VPS13B: variants seen among roughly 807,000 people sequenced by gnomAD.
The protein encoded by VPS13B is intermembrane lipid transfer protein VPS13B.
In VPS13B, 285 loss-of-function variants were observed where a neutral mutation model predicts 426.4. The ratio of observed to expected loss-of-function variants is 0.67; its 90% CI spans 0.61 to 0.74. The LOEUF (loss-of-function observed/expected upper bound fraction) is 0.74, where lower values mean the gene tolerates loss of function less well. Among genes scored for constraint, VPS13B ranks in the 30% least tolerant of loss-of-function variants. VPS13B has a pLI of 0.00. For missense variants in VPS13B, 4,537 were observed against 4,782.6 expected (o/e 0.95, Z 1.51); for synonymous variants, 1,676 against 1,676.4 (o/e 1.00, Z 0.01).
chr8:99,807,649 CTAAAGGTATTT>C (rs1347458370), intron 43 of VPS13B, among the ~76,000 whole-genome samples: 1 of 151,276 alleles, frequency 6.6e-6, no homozygotes, highest in Non-Finnish European at 1.5e-5. Flanking sequence ...CATATTTTCC[CTAAAGGTATTT>C]ACTATCCAGG....
chr8:99,770,397 A>G (rs565733366), intron 40 of VPS13B, among the ~76,000 whole-genome samples: 2 of 152,186 alleles, frequency 1.3e-5, no homozygotes, highest in East Asian at 3.9e-4. Context: ...TCGTGTATGT[A>G]TTTGTCCACA....
chr8:99,696,802 G>C (rs1832026218), intron 35 of VPS13B: 1 of 1,408,680 alleles, frequency 7.1e-7, no homozygotes, highest in Admixed American at 1.7e-5. Flanking sequence ...AGAATGAGCT[G>C]ACCCTGGACA....
At chr8:99,446,625 C>T (rs1019669644) in intron 23 of VPS13B, among the ~76,000 whole-genome samples, 2 of 151,864 alleles carry the variant, frequency 1.3e-5, no homozygotes, top group Admixed American at 6.6e-5. Flanking sequence ...CAGTTAATTT[C>T]TTTAATCTAG....
chr8:99,361,242 A>G (rs1363160456), intron 19 of VPS13B, among the ~76,000 whole-genome samples: 2 of 152,204 alleles, frequency 1.3e-5, no homozygotes, highest in African/African-American at 2.4e-5. Context: ...ACTCACCTGC[A>G]TTATTGAGGA....
intron 42 of VPS13B, among the ~76,000 whole-genome samples, chr8:99,783,767 G>A (rs536381384): frequency 1.3e-5 from 2 of 152,266 alleles, no homozygotes; most frequent in East Asian, 1.9e-4. Flanking sequence ...ACAATAGAGG[G>A]AAAGTTATGG....
chr8:99,161,863 G>A (rs1811676941), intron 15 of VPS13B, among the ~76,000 whole-genome samples: 1 of 151,250 alleles, frequency 6.6e-6, no homozygotes. Context: ...CTCCCGAGTA[G>A]CTAGGATTAC....
rs1212719921 is a variant in VPS13B at position 99,682,935 on chromosome 8, C to A, written c.6047-16590C>A. ...CCATTCTACTGAGAATGAGCTGACACCCAAGCCACAACTCTAGGACTTGAA... is the reference window on the plus strand; with the variant it reads ...CCATTCTACTGAGAATGAGCTGACAACCAAGCCACAACTCTAGGACTTGAA... On this transcript the variant is annotated intron_variant, in intron 35 of 61. Transcript: ENST00000357162. Among the ~76,000 whole-genome samples the A allele has an allele frequency of 8.5e-5, 13 of 152,286 alleles. No homozygotes were observed. The South Asian group carries it at 2.7e-3, about 32-fold the overall frequency.
chr8:99,415,079 A>G (rs1327386770), intron 21 of VPS13B, among the ~76,000 whole-genome samples: 1 of 151,942 alleles, frequency 6.6e-6, no homozygotes, highest in Non-Finnish European at 1.5e-5. Flanking sequence ...ACATAGTCCC[A>G]TATTTCTTGG....
chr8:99,743,659 A>G (rs536183084), intron 39 of VPS13B, among the ~76,000 whole-genome samples: 1 of 152,340 alleles, frequency 6.6e-6, no homozygotes, highest in Admixed American at 6.5e-5. Flanking sequence ...AACCCTCAGA[A>G]ATAATGCAGC....
At chr8:99,314,242 C>T (rs1190429235) in intron 19 of VPS13B, among the ~76,000 whole-genome samples, 2 of 152,094 alleles carry the variant, frequency 1.3e-5, no homozygotes, top group Admixed American at 6.6e-5. Context: ...GCAGAAATCA[C>T]CCGTCTTCTG....
chr8:99,818,983 G>GGGGGGGGGGGGGGGGGGGT, intron 47 of VPS13B, 95 bp downstream of exon 47: 3 of 384,874 alleles, frequency 7.8e-6, no homozygotes, highest in Middle Eastern at 8.8e-4. Context: ...GGAGGGGTGG[G>GGGGGGGGGGGGGGGGGGGT]TAGGGAGATG....
intron 35 of VPS13B, among the ~76,000 whole-genome samples, chr8:99,683,244 C>G (rs1051726749): frequency 5.3e-5 from 8 of 152,180 alleles, no homozygotes. Context: ...CTGTCTTGAT[C>G]TTAATAGCTG....
intron 20 of VPS13B, among the ~76,000 whole-genome samples, chr8:99,386,181 A>G (rs183579562): frequency 1.3e-5 from 2 of 152,302 alleles, no homozygotes; most frequent in Admixed American, 1.3e-4. Flanking sequence ...TGTACCATAG[A>G]TATCCCTGAA....
chr8:99,324,719 A>G (rs1340931393), intron 19 of VPS13B, among the ~76,000 whole-genome samples: 2 of 152,214 alleles, frequency 1.3e-5, no homozygotes, highest in Non-Finnish European at 2.9e-5. Flanking sequence ...CACGTATTTC[A>G]AGTGACAGAG....
intron 51 of VPS13B, among the ~76,000 whole-genome samples, chr8:99,826,781 G>C (rs193096111): frequency 1.3e-5 from 2 of 152,232 alleles, no homozygotes; most frequent in Admixed American, 6.5e-5. Flanking sequence ...TAGCATGAAG[G>C]GGTGTTGAAT....
intron 12 of VPS13B, among the ~76,000 whole-genome samples, chr8:99,140,561 C>G (rs988385964): frequency 6.7e-6 from 1 of 149,448 alleles, no homozygotes; most frequent in South Asian, 2.1e-4. Context: ...TCCTCCTTCT[C>G]CTCCTTTCTT....
At chr8:99,539,161 AC>A (rs1275185084) in intron 30 of VPS13B, among the ~76,000 whole-genome samples, 1 of 152,222 alleles carries the variant, frequency 6.6e-6, no homozygotes, top group Non-Finnish European at 1.5e-5. Flanking sequence ...ATAATGAAGA[AC>A]AATGTGAAGA....
intron 33 of VPS13B, among the ~76,000 whole-genome samples, chr8:99,586,350 A>G (rs1304447223): frequency 6.6e-6 from 1 of 152,136 alleles, no homozygotes; most frequent in Non-Finnish European, 1.5e-5. Context: ...TCCACCCTTC[A>G]GAAAATTCTT....
intron 17 of VPS13B, among the ~76,000 whole-genome samples, chr8:99,223,959 G>A (rs1285306192): frequency 2.0e-5 from 3 of 152,098 alleles, no homozygotes; most frequent in Non-Finnish European, 4.4e-5. Flanking sequence ...TGGTTTTTTA[G>A]GTCATTCACA....
Sources: allele counts gnomAD v4.1 joint callset (sites outside exome capture counted in the v4.1 genomes callset), GRCh38; gene constraint gnomAD v4.1.1; transcripts MANE v1.5; gene names NCBI Gene and HGNC (gene_info 2026-07-23, HGNC 2026-07-21).